Variants in ZNF883 observed in about 807,000 individuals in gnomAD.
ZNF883 encodes the protein zinc finger protein 883.
chr9:113,009,747 A>T (rs1828514716), intron 2 of ZNF883, among the ~76,000 whole-genome samples: 1 of 152,110 alleles, frequency 6.6e-6, no homozygotes, highest in Non-Finnish European at 1.5e-5. Context: ...TGACCTCGTG[A>T]TCTGCCTGCC....
intron 2 of ZNF883, among the ~76,000 whole-genome samples, chr9:113,006,026 A>T (rs529106376): frequency 2.6e-4 from 39 of 152,096 alleles, no homozygotes; most frequent in African/African-American, 9.2e-4. Context: ...AACAGGTAAC[A>T]AGATCCTGCC....
At chr9:113,008,437 C>T (rs1828499579) in intron 2 of ZNF883, among the ~76,000 whole-genome samples, 1 of 151,858 alleles carries the variant, frequency 6.6e-6, no homozygotes, top group Non-Finnish European at 1.5e-5. Flanking sequence ...GAAGGAAATT[C>T]TACGGATTTA....
intron 2 of ZNF883, among the ~76,000 whole-genome samples, chr9:113,010,062 C>T (rs1828517162): frequency 6.6e-6 from 1 of 152,130 alleles, no homozygotes; most frequent in African/African-American, 2.4e-5. Flanking sequence ...TGTCTGTGTG[C>T]CCATCCAAGA....
chr9:112,990,325 G>C (rs1355313780), intron 1 of ZNF883, among the ~76,000 whole-genome samples: 1 of 152,100 alleles, frequency 6.6e-6, no homozygotes, highest in Non-Finnish European at 1.5e-5. Flanking sequence ...TAACATGAAG[G>C]GATGTTGAAT....
At chr9:112,996,972 A>C, downstream of ZNF883, 1 of 661,484 alleles carries the variant, frequency 1.5e-6, no homozygotes. Flanking sequence ...TTATAAGCAT[A>C]GTCCTTCTTC....
chr9:112,998,370 C>A, upstream of ZNF883: 1 of 843,252 alleles, frequency 1.2e-6, no homozygotes, highest in Non-Finnish European at 1.7e-6. Flanking sequence ...GATACAAATG[C>A]ATCCTTTCTT....
intron 2 of ZNF883, among the ~76,000 whole-genome samples, chr9:113,007,207 C>G (rs1472016907): frequency 6.6e-6 from 1 of 152,174 alleles, no homozygotes; most frequent in Non-Finnish European, 1.5e-5. Context: ...AGAAAAAAAT[C>G]TCCATGTACT....
exon 1 of ZNF883, chr9:112,998,084 T>C: frequency 6.2e-7 from 1 of 1,614,034 alleles, no homozygotes; most frequent in Middle Eastern, 1.6e-4. Flanking sequence ...TATTCTTTGA[T>C]GTTGAACAAG....
At chr9:113,005,363 G>T (rs1184336878) in intron 2 of ZNF883, among the ~76,000 whole-genome samples, 2 of 152,088 alleles carry the variant, frequency 1.3e-5, no homozygotes, top group Non-Finnish European at 2.9e-5. Context: ...CTGGGCAAAA[G>T]ATATGAATAG....
chr9:112,996,519 C>T (rs556429915), downstream of ZNF883, among the ~76,000 whole-genome samples: 10 of 151,924 alleles, frequency 6.6e-5, no homozygotes, highest in South Asian at 6.2e-4. Context: ...TGGCCGGGCG[C>T]GGTGGCTCAC....
downstream of ZNF883, among the ~76,000 whole-genome samples, chr9:112,995,657 T>G (rs1828345549): frequency 6.6e-6 from 1 of 152,086 alleles, no homozygotes; most frequent in African/African-American, 2.4e-5. Flanking sequence ...TTAAAAAAAG[T>G]CACCAATGTA....
At chr9:112,994,351 C>A (rs1178852164), downstream of ZNF883, among the ~76,000 whole-genome samples, 1 of 148,982 alleles carries the variant, frequency 6.7e-6, no homozygotes, top group Non-Finnish European at 1.5e-5. Context: ...CTCCATGGGT[C>A]ATGCCAATTG....
exon 1 of ZNF883, chr9:112,998,141 G>C (rs1226448061): frequency 1.2e-6 from 2 of 1,613,802 alleles, no homozygotes; most frequent in Non-Finnish European, 1.7e-6. Flanking sequence ...ACATTCATAA[G>C]GTTTTTCTCC....
chr9:113,001,233 GTAGA>G (rs1004671444), upstream of ZNF883, among the ~76,000 whole-genome samples: 1 of 152,096 alleles, frequency 6.6e-6, no homozygotes, highest in African/African-American at 2.4e-5. Context: ...ATTTTGAAAG[GTAGA>G]TAAAAAATTT....
chr9:112,998,305 T>C, upstream of ZNF883: 1 of 1,434,516 alleles, frequency 7.0e-7, no homozygotes, highest in Non-Finnish European at 9.2e-7. Flanking sequence ...TTCATTTTTG[T>C]CGGTATGTAA....
At chr9:112,997,449 C>G (rs548866262) in exon 1 of ZNF883, 2 of 1,614,020 alleles carry the variant, frequency 1.2e-6, no homozygotes, top group South Asian at 2.2e-5. Flanking sequence ...AAGGTTTTTC[C>G]ACATTCTTTA....
At chr9:113,010,693 TAAAG>T (rs1263639526) in intron 2 of ZNF883, among the ~76,000 whole-genome samples, 1 of 151,960 alleles carries the variant, frequency 6.6e-6, no homozygotes, top group Non-Finnish European at 1.5e-5. Flanking sequence ...TTGTCAGTTA[TAAAG>T]AAAAATTAGG....
chr9:113,010,083 C>T (rs1828517288), intron 2 of ZNF883, among the ~76,000 whole-genome samples: 1 of 151,396 alleles, frequency 6.6e-6, no homozygotes, highest in Admixed American at 6.5e-5. Context: ...CTGTCAGTTC[C>T]ACATAGGCAG....
exon 1 of ZNF883, chr9:112,998,138 T>A: frequency 1.2e-6 from 2 of 1,613,972 alleles, no homozygotes; most frequent in African/African-American, 1.3e-5. Flanking sequence ...TTTACATTCA[T>A]AAGGTTTTTC....
Sources: allele counts gnomAD v4.1 joint callset (sites outside exome capture counted in the v4.1 genomes callset), GRCh38; gene constraint gnomAD v4.1.1; transcripts MANE v1.5; gene names NCBI Gene and HGNC (gene_info 2026-07-23, HGNC 2026-07-21).